UNC13D: variants seen among roughly 807,000 people sequenced by gnomAD.
The protein encoded by UNC13D is protein unc-13 homolog D.
UNC13D carries 115 observed loss-of-function variants against 151.7 expected under a neutral mutation model. That is an observed-to-expected ratio of 0.76 (90% CI 0.65 to 0.88). The LOEUF is 0.88. UNC13D is among the 40% of genes least tolerant of loss of function. The pLI is 0.00. For synonymous variants in UNC13D, 588 were observed against 612.2 expected (o/e 0.96, Z 0.58); for missense variants, 1,369 against 1,438.7 (o/e 0.95, Z 0.78).
intron 12 of UNC13D, among the ~76,000 whole-genome samples, chr17:75,838,698 G>C (rs1488605488): frequency 6.6e-6 from 1 of 152,210 alleles, no homozygotes; most frequent in Non-Finnish European, 1.5e-5. Flanking sequence ...GTTAGGGACC[G>C]GGTCCAAATT....
In UNC13D at chr17:75,829,585, G is replaced by A. The variant is rs561084989; in HGVS notation, c.2954+443C>T. On this transcript the variant is annotated intron_variant, in intron 30 of 31. Coordinates refer to ENST00000207549, the MANE Select transcript of UNC13D (RefSeq NM_199242.3). Reference sequence around the variant, plus strand: ...TGAGATTACAGGCATGAGCCACCACGCCTGGCCCTCTTTTTTTTTTTTTTT... The same window carrying A: ...TGAGATTACAGGCATGAGCCACCACACCTGGCCCTCTTTTTTTTTTTTTTT... 7.5e-4 allele frequency: 125 copies of A among 165,734 alleles called. 1 individual carries two copies. Among genetic ancestry groups the A allele is most frequent in the African/African-American group, 3.4e-3 (109 of 32,220 alleles). The allele number at this position is 165,734 out of a possible 1,614,324, so 10.3% of individuals were successfully genotyped here. A position where few individuals can be genotyped will look rare whatever the true frequency, so the allele number is the denominator to read the frequency against.
chr17:75,844,250 G>A lies in UNC13D; in HGVS notation c.88C>T (p.Gln30Ter), dbSNP rs780543569. ...GGGGCCATTTGGGGCGGGGGATCCT[G>A]TAGATCTCTGACTCTGCGGCGCCTT... Reference protein sequence around the residue: ...KIRRRRVRDLQDPPPQMAPEI... With the variant: ...KIRRRRVRDL Residue 30 changes from glutamine (Q) to a stop codon, truncating the protein, a stop_gained, in exon 1 of 32, where the codon CAG becomes TAG. Transcript: ENST00000207549. LOFTEE classifies it high-confidence loss of function. The A allele has an allele frequency of 2.5e-6, 4 of 1,612,490 alleles. No individual in the cohort carries two copies. The South Asian group carries it at 3.3e-5, about 13-fold the overall frequency.
Position 75,830,667 on chromosome 17 carries a change from A to G in UNC13D, c.2626-6T>C, listed in dbSNP as rs1331681203. On this transcript the variant is annotated splice_region_variant and splice_polypyrimidine_tract_variant and intron_variant, in intron 27 of 31. Coordinates refer to ENST00000207549, the MANE Select transcript of UNC13D (RefSeq NM_199242.3). ...TCCAGGTCCCTCTGCAGAGCCTGGG[A>G]ACACATACAGCTGAGGATCCACCTG... 1 of 1,553,106 alleles carries G rather than the reference A, an allele frequency of 6.4e-7. No individual in the cohort carries two copies. Among genetic ancestry groups the G allele is most frequent in the Non-Finnish European group, 8.7e-7 (1 of 1,148,600 alleles).
chr17:75,841,907 C>A (rs1171398299), intron 6 of UNC13D, among the ~76,000 whole-genome samples: 1 of 152,022 alleles, frequency 6.6e-6, no homozygotes, highest in African/African-American at 2.4e-5. Context: ...TGCCACCACG[C>A]CCGGCTAATT....
rs925792175 is a variant in UNC13D at position 75,843,857 on chromosome 17, G to A, written c.118-338C>T. 24 of 1,372,560 alleles carry A rather than the reference G, an allele frequency of 1.7e-5. No homozygotes were observed. In the African/African-American group the frequency reaches 3.1e-4, roughly 18 times the overall value. 85.0% of individuals were successfully genotyped at this position (1,372,560 alleles called of 1,614,324 possible). ...TGAGGCTCGGCAGCGGAGGTGAGGG[G>A]GGTGCCACGTCGGCCTGGGGGTCTG... On this transcript the variant is annotated intron_variant, in intron 1 of 31. Coordinates refer to ENST00000207549, the MANE Select transcript of UNC13D (RefSeq NM_199242.3).
rs140332182 is a variant in UNC13D, at chr17:75,834,507, C to T, written c.2116G>A (p.Glu706Lys). Residue 706 changes from glutamate to lysine, a missense_variant, in exon 23 of 32, where the codon GAG becomes AAG. Physicochemically the swap from Glu to Lys is moderately conservative, Grantham distance 56. Coordinates refer to ENST00000207549, the MANE Select transcript of UNC13D (RefSeq NM_199242.3). ...NMLCVVVNDM[E>K]QLRLVIGKLP... is the part of the protein sequence containing the mutation. ...TTGCCGATCACCAGCCGCAGCTGCTCCATGTCATTCACCACCACACACAGC... is the reference window on the plus strand; with the variant it reads ...TTGCCGATCACCAGCCGCAGCTGCTTCATGTCATTCACCACCACACACAGC... The T allele has an allele frequency of 1.9e-6, 3 of 1,582,320 alleles. No individual in the cohort carries two copies. Among genetic ancestry groups the T allele is most frequent in the African/African-American group, 1.3e-5 (1 of 74,458 alleles).
intron 30 of UNC13D, chr17:75,829,795 C>G (rs2062148725): frequency 1.9e-6 from 1 of 527,312 alleles, no homozygotes; most frequent in Non-Finnish European, 3.3e-6. Flanking sequence ...CCAGGCTGGT[C>G]TTGAACTCCT....
rs1358515517 is a variant in UNC13D, at chr17:75,827,379, A to G, written c.*586T>C. 16 of 1,325,220 alleles carry G rather than the reference A, an allele frequency of 1.2e-5. No individual in the cohort carries two copies. The highest frequency in any genetic ancestry group is 2.0e-6 in the Non-Finnish European group (2 of 1,018,524). 82.1% of individuals were successfully genotyped at this position (1,325,220 alleles called of 1,614,324 possible). ...GTCTGTGCCAGCCCTGCCGCCTGCC[A>G]GCTCTTGCTCCCTCAGAGCCAGAAG... On this transcript the variant is annotated 3_prime_UTR_variant, in exon 32 of 32. Coordinates refer to ENST00000207549, the MANE Select transcript of UNC13D (RefSeq NM_199242.3).
rs553365957 is a variant in UNC13D at position 75,840,816 on chromosome 17, A to C, written c.629T>G (p.Val210Gly). Residue 210 changes from valine to glycine, a missense_variant, in exon 8 of 32, where the codon GTG (valine) becomes GGG (glycine). Physicochemically the swap from Val to Gly is moderately radical, Grantham distance 109 (BLOSUM62 -3). This residue lies in a region of UNC13D where 550 missense variants were observed against 609.0 expected (regional missense o/e 0.90). Transcript: ENST00000207549. This position sits in a 1 kb window ranked among gnomAD's most constrained non-coding sequence, Gnocchi z 4.6. ...FHLDMWDLDT[V>G]ESVRQKLGEL... ...CCCAAGCTTCTGTCGGACAGACTCC[A>C]CAGTGTCCAGGTCCCTGGCAGGACA... 1.9e-4 allele frequency: 301 copies of C among 1,613,992 alleles called. 5 individuals carry two copies. The South Asian group carries it at 3.2e-3, about 17-fold the overall frequency.
chr17:75,841,230 T>C lies in UNC13D; in HGVS notation c.570-229A>G, dbSNP rs8074963. Reference sequence around the variant, plus strand: ...GCAGGATCTAACTCACTGCAACCTCTGCCTCCTGGGTTCAAGCAATTTTCC... The same window carrying C: ...GCAGGATCTAACTCACTGCAACCTCCGCCTCCTGGGTTCAAGCAATTTTCC... On this transcript the variant is annotated intron_variant, in intron 6 of 31. Transcript: ENST00000207549. The C allele has an allele frequency of 0.38, 192,101 of 498,982 alleles. 43,064 individuals are homozygous for C. Among genetic ancestry groups the C allele is most frequent in the African/African-American group, 0.83 (40,746 of 49,254 alleles). The allele number at this position is 498,982 out of a possible 1,614,324, so 30.9% of individuals were successfully genotyped here. A position where few individuals can be genotyped will look rare whatever the true frequency, so the allele number is the denominator to read the frequency against.
rs757643349 is a variant in UNC13D, at chr17:75,830,649, C to T, written c.2638G>A (p.Asp880Asn). 5.8e-6 allele frequency: 9 copies of T among 1,554,218 alleles called. No homozygotes were observed. In the South Asian group the frequency reaches 1.1e-4, roughly 18 times the overall value. ...HTATFQALQRDLELQAASSRE... is the reference protein window; with the variant it reads ...HTATFQALQRNLELQAASSRE... Reference sequence around the variant, plus strand: ...CTGGAGGCCGCCTGCAGCTCCAGGTCCCTCTGCAGAGCCTGGGAACACATA... The same window carrying T: ...CTGGAGGCCGCCTGCAGCTCCAGGTTCCTCTGCAGAGCCTGGGAACACATA... The change falls in exon 28 of 32, where the codon GAC becomes AAC. Residue 880 changes from aspartate to asparagine, a missense_variant. This residue lies in a region of UNC13D where 807 missense variants were observed against 795.5 expected (regional missense o/e 1.01). Coordinates refer to ENST00000207549, the MANE Select transcript of UNC13D (RefSeq NM_199242.3).
intron 1 of UNC13D, chr17:75,843,812 T>G: frequency 7.2e-7 from 1 of 1,381,014 alleles, no homozygotes; most frequent in Non-Finnish European, 9.4e-7. Context: ...TGGCGGCTGC[T>G]CCTCACCCAG....
chr17:75,836,374 C>A lies in UNC13D; in HGVS notation c.1354G>T (p.Ala452Ser). 1 of 1,613,920 alleles carries A rather than the reference C, an allele frequency of 6.2e-7. No homozygotes were observed. The highest frequency in any genetic ancestry group is 8.5e-7 in the Non-Finnish European group (1 of 1,180,020). Residue 452 changes from alanine (A) to serine (S), a missense_variant, in exon 15 of 32, where the codon GCC becomes TCC. Around this residue, in one of 3 missense-constraint regions of UNC13D, gnomAD observed 550 missense variants for 609.0 expected, o/e 0.90. Transcript: ENST00000207549. Reference sequence around the variant, plus strand: ...TCAGTCACCAGCTGGGGCAATGGGGCGGTGTTGGGGCACAGTTCTCCAAAG... The same window carrying A: ...TCAGTCACCAGCTGGGGCAATGGGGAGGTGTTGGGGCACAGTTCTCCAAAG... ...KAFGELCPNT[A>S]PLPQLVTEAL...
At position 75,831,092 on chromosome 17, in the gene UNC13D, C is replaced by T; in HGVS notation, c.2625+6G>A. 6.2e-7 allele frequency: 1 copy of T among 1,613,866 alleles called. No individual in the cohort carries two copies. The highest frequency in any genetic ancestry group is 8.5e-7 in the Non-Finnish European group (1 of 1,180,028). ...TCCTACGGGGAAGCTCACCCAAAGCCCCTACCTGGAAGGTGGCAGTGTGCA... is the reference window on the plus strand; with the variant it reads ...TCCTACGGGGAAGCTCACCCAAAGCTCCTACCTGGAAGGTGGCAGTGTGCA... On this transcript the variant is annotated splice_donor_region_variant and intron_variant, in intron 27 of 31. Coordinates refer to ENST00000207549, the MANE Select transcript of UNC13D (RefSeq NM_199242.3).
intron 6 of UNC13D, 110 bp from the exon 7 acceptor site, chr17:75,841,111 A>T: frequency 3.7e-6 from 4 of 1,077,890 alleles, no homozygotes; most frequent in Non-Finnish European, 5.6e-6. Context: ...TCCCTGCCAA[A>T]CTTCCCTCCT....
chr17:75,834,195 G>A, intron 23 of UNC13D, 52 bp from the exon 24 acceptor site: 1 of 1,608,364 alleles, frequency 6.2e-7, no homozygotes. Flanking sequence ...AGTCGGGGAT[G>A]GAAGAGTTCC....
rs201022061 is a variant in UNC13D, at chr17:75,834,316, A to G, written c.2298+9T>C. 5 of 1,593,950 alleles carry G rather than the reference A, an allele frequency of 3.1e-6. No homozygotes were observed. Among genetic ancestry groups the G allele is most frequent in the African/African-American group, 2.7e-5 (2 of 74,824 alleles). On this transcript the variant is annotated intron_variant, in intron 23 of 31. Coordinates refer to ENST00000207549, the MANE Select transcript of UNC13D (RefSeq NM_199242.3). Reference sequence around the variant, plus strand: ...TGGGATGGGGTGACTGTGCGGTCGGACAAGGTACCTGCTCGGCCAGGGTGC... The same window carrying G: ...TGGGATGGGGTGACTGTGCGGTCGGGCAAGGTACCTGCTCGGCCAGGGTGC...
rs538544253 is a variant in UNC13D, at chr17:75,830,011, G to A, written c.2954+17C>T. 95 of 1,571,980 alleles carry A rather than the reference G, an allele frequency of 6.0e-5. No homozygotes were observed. Among genetic ancestry groups the A allele is most frequent in the Non-Finnish European group, 6.6e-5 (77 of 1,158,264 alleles). Reference sequence around the variant, plus strand: ...GAGATGAGGGGAGGGACTGGGAGAAGAACGGGACCCACTCACAATTCAAAG... The same window carrying A: ...GAGATGAGGGGAGGGACTGGGAGAAAAACGGGACCCACTCACAATTCAAAG... On this transcript the variant is annotated intron_variant, in intron 30 of 31. Transcript: ENST00000207549.
chr17:75,835,068 G>T lies in UNC13D; in HGVS notation c.1849-5C>A, dbSNP rs1172482015. 1.2e-6 allele frequency: 2 copies of T among 1,613,678 alleles called. No individual in the cohort carries two copies. The highest frequency in any genetic ancestry group is 1.7e-6 in the Non-Finnish European group (2 of 1,179,998). On this transcript the variant is annotated splice_region_variant and splice_polypyrimidine_tract_variant and intron_variant, in intron 20 of 31. Transcript: ENST00000207549. ...CAGTTCACCCAGGGGCACCAGCTGGGGGAAGAAAGGAGGACTCAGGATACT... is the reference window on the plus strand; with the variant it reads ...CAGTTCACCCAGGGGCACCAGCTGGTGGAAGAAAGGAGGACTCAGGATACT...
Sources: allele counts gnomAD v4.1 joint callset (sites outside exome capture counted in the v4.1 genomes callset), GRCh38; gene constraint gnomAD v4.1.1; regional missense constraint gnomAD v4.1.1; non-coding constraint Gnocchi (gnomAD v3.1); transcripts MANE v1.5; gene names NCBI Gene and HGNC (gene_info 2026-07-23, HGNC 2026-07-21).